RAD51B: variants seen among roughly 807,000 people sequenced by gnomAD.
RAD51B encodes the protein DNA repair protein RAD51 homolog 2.
A neutral mutation model predicts 42.2 loss-of-function variants in RAD51B; 38 were observed. The observed-to-expected ratio is 0.90, with a 90% CI of 0.70 to 1.18. RAD51B has a LOEUF of 1.18. Among genes scored for constraint, RAD51B ranks in the 50% most tolerant of loss-of-function variants. RAD51B has a pLI of 0.00. For synonymous variants in RAD51B, 154 were observed against 145.2 expected (o/e 1.06, Z -0.43); for missense variants, 373 against 400.7 (o/e 0.93, Z 0.59).
intron 7 of RAD51B, among the ~76,000 whole-genome samples, chr14:67,971,640 A>G (rs1264021404): frequency 6.6e-6 from 1 of 152,142 alleles, no homozygotes; most frequent in African/African-American, 2.4e-5. Flanking sequence ...CTTGAAGAAT[A>G]CATTGTTCTT....
At chr14:68,285,598 G>A (rs2139641864) in intron 7 of RAD51B, among the ~76,000 whole-genome samples, 1 of 152,300 alleles carries the variant, frequency 6.6e-6, no homozygotes, top group African/African-American at 2.4e-5. Context: ...GACTATCACT[G>A]CACCTCGCCA....
intron 7 of RAD51B, among the ~76,000 whole-genome samples, chr14:67,931,944 T>G (rs1328673110): frequency 6.6e-6 from 1 of 152,050 alleles, no homozygotes. Flanking sequence ...TAGTTGCTTC[T>G]TCAAATTTTT....
At chr14:68,317,622 T>G (rs1028956692) in intron 8 of RAD51B, among the ~76,000 whole-genome samples, 5 of 152,176 alleles carry the variant, frequency 3.3e-5, no homozygotes, top group Non-Finnish European at 2.9e-5. Flanking sequence ...TTGGGGGCTT[T>G]GTCATTCATG....
Position 67,940,049 on chromosome 14 carries a change from TATA to T in RAD51B, c.756+52846_756+52848del, listed in dbSNP as rs1267390879. Among the ~76,000 whole-genome samples the T allele has an allele frequency of 2.5e-4, 4 of 16,302 alleles. No homozygotes were observed. The East Asian group carries it at 5.2e-3, about 21-fold the overall frequency. The allele number at this position is 16,302 out of a possible 152,430, so 10.7% of individuals were successfully genotyped here. ...ATATATATATATATATATATATATA[TATA>T]TATTTTTTTTTTTTTTTTTTTTTTT... On this transcript the variant is annotated intron_variant, in intron 7 of 10. Coordinates refer to ENST00000471583, the MANE Select transcript of RAD51B (RefSeq NM_133510.4).
intron 3 of RAD51B, among the ~76,000 whole-genome samples, chr14:67,831,143 G>A (rs958281897): frequency 1.3e-5 from 2 of 151,998 alleles, no homozygotes; most frequent in Non-Finnish European, 2.9e-5. Context: ...CCAAAGTGCC[G>A]GGATTACAGG....
At chr14:68,456,755 A>G (rs1219582705) in intron 9 of RAD51B, among the ~76,000 whole-genome samples, 1 of 151,852 alleles carries the variant, frequency 6.6e-6, no homozygotes, top group Non-Finnish European at 1.5e-5. Flanking sequence ...TCTATAGAAC[A>G]CTCTAAACAA....
intron 8 of RAD51B, among the ~76,000 whole-genome samples, chr14:68,325,886 T>A (rs188818710): frequency 9.9e-5 from 15 of 152,192 alleles, no homozygotes; most frequent in Non-Finnish European, 8.8e-5. Context: ...TGTTTTTTAA[T>A]GGCTCTCTAC....
intron 10 of RAD51B, among the ~76,000 whole-genome samples, chr14:68,555,915 T>TA (rs1888819636): frequency 1.3e-5 from 2 of 152,192 alleles, no homozygotes; most frequent in Admixed American, 1.3e-4. Flanking sequence ...TTCCCTGTGA[T>TA]ACCTGCTTCA....
chr14:68,000,269 C>T (rs1357162556), intron 7 of RAD51B: 1 of 152,102 alleles, frequency 6.6e-6, no homozygotes. Flanking sequence ...TCCCGAGTTT[C>T]CAAGAATTTG....
intron 8 of RAD51B, among the ~76,000 whole-genome samples, chr14:68,375,417 G>A (rs555298433): frequency 4.6e-5 from 7 of 152,158 alleles, no homozygotes; most frequent in East Asian, 1.9e-4. Context: ...TTATTTTCTC[G>A]TTGACACCTA....
At chr14:68,206,947 G>T (rs868006195) in intron 7 of RAD51B, among the ~76,000 whole-genome samples, 1 of 151,894 alleles carries the variant, frequency 6.6e-6, no homozygotes, top group South Asian at 2.1e-4. Flanking sequence ...CCGCCAACGC[G>T]CCCGGCTAAT....
At chr14:68,512,867 C>A (rs1304340297) in intron 10 of RAD51B, among the ~76,000 whole-genome samples, 1 of 151,910 alleles carries the variant, frequency 6.6e-6, no homozygotes, top group East Asian at 1.9e-4. Flanking sequence ...GTCAGGAAGA[C>A]CTCTCTGAAG....
intron 4 of RAD51B, among the ~76,000 whole-genome samples, chr14:67,844,901 G>A (rs768387286): frequency 4.6e-5 from 7 of 151,938 alleles, no homozygotes; most frequent in South Asian, 2.1e-4. Context: ...GTTTAAAGTC[G>A]GCTTTGTCTG....
At chr14:68,330,308 T>A (rs887002687) in intron 8 of RAD51B, among the ~76,000 whole-genome samples, 3 of 152,166 alleles carry the variant, frequency 2.0e-5, no homozygotes, top group African/African-American at 7.2e-5. Flanking sequence ...AAATAAATGG[T>A]GTTTAAGTAT....
At chr14:68,184,065 C>T (rs1324617926) in intron 7 of RAD51B, among the ~76,000 whole-genome samples, 1 of 141,794 alleles carries the variant, frequency 7.1e-6, no homozygotes, top group African/African-American at 2.7e-5. Flanking sequence ...TGCACTCCAG[C>T]CTGGGCGACA....
intron 8 of RAD51B, among the ~76,000 whole-genome samples, chr14:68,298,454 T>C (rs2081655142): frequency 6.6e-6 from 1 of 152,216 alleles, no homozygotes; most frequent in Non-Finnish European, 1.5e-5. Context: ...ACAATCAAGT[T>C]AGATGAGAGC....
At chr14:67,829,501 C>T (rs1377622693) in intron 3 of RAD51B, among the ~76,000 whole-genome samples, 1 of 152,180 alleles carries the variant, frequency 6.6e-6, no homozygotes, top group South Asian at 2.1e-4. Context: ...CTCGGCCTCC[C>T]AAAGTGCTGG....
intron 7 of RAD51B, among the ~76,000 whole-genome samples, chr14:68,235,464 G>C (rs890677205): frequency 6.6e-6 from 1 of 151,680 alleles, no homozygotes; most frequent in Admixed American, 6.6e-5. Flanking sequence ...CAGCACTTTG[G>C]GAGGCCGAGG....
intron 7 of RAD51B, among the ~76,000 whole-genome samples, chr14:68,192,768 C>T (rs2079292868): frequency 6.6e-6 from 1 of 152,086 alleles, no homozygotes; most frequent in Non-Finnish European, 1.5e-5. Context: ...TTTAAATCCT[C>T]CCTTATTTTA....
Sources: allele counts gnomAD v4.1 joint callset (sites outside exome capture counted in the v4.1 genomes callset), GRCh38; gene constraint gnomAD v4.1.1; transcripts MANE v1.5; gene names NCBI Gene and HGNC (gene_info 2026-07-23, HGNC 2026-07-21).